Variants in SLC22A23 observed in about 807,000 individuals in gnomAD.
SLC22A23 encodes the protein ion transporter protein.
A neutral mutation model predicts 61.0 loss-of-function variants in SLC22A23; 26 were observed. The ratio of observed to expected loss-of-function variants is 0.43; its 90% CI spans 0.31 to 0.59. SLC22A23 has a LOEUF of 0.59. Ranked by LOEUF, SLC22A23 falls within the 20% of genes least tolerant of loss-of-function variation. The pLI, the probability that SLC22A23 is intolerant of heterozygous loss-of-function variation, is 0.11. For missense variants in SLC22A23, 796 were observed against 934.7 expected, an observed-to-expected ratio of 0.85 and a Z score of 1.94; for synonymous variants, 430 against 413.9, an observed-to-expected ratio of 1.04 and a Z score of -0.47.
intron 1 of SLC22A23, chr6:3,439,547 A>G: frequency 4.7e-6 from 1 of 210,630 alleles, no homozygotes; most frequent in South Asian, 6.5e-5. Flanking sequence ...CATTTCAGAT[A>G]AGCTACATAA....
rs138524453 is a variant in SLC22A23 at position 3,357,794 on chromosome 6, G to A, written c.914-33792C>T. On this transcript the variant is annotated intron_variant, in intron 3 of 9. Coordinates refer to ENST00000406686, the MANE Select transcript of SLC22A23 (RefSeq NM_015482.2). ...GATGCCGAGATGAAGCCACACCACC[G>A]GCCTCAAGGGGCTCACAGTCTGATG... is the stretch of plus-strand genomic sequence containing the variant. Among the ~76,000 whole-genome samples the A allele has an allele frequency of 6.8e-3, 1,029 of 152,284 alleles. 16 individuals are homozygous for A. Among genetic ancestry groups the A allele is most frequent in the African/African-American group, 0.024 (994 of 41,558 alleles).
chr6:3,319,088 C>T (rs1374287891), intron 4 of SLC22A23, among the ~76,000 whole-genome samples: 1 of 152,214 alleles, frequency 6.6e-6, no homozygotes, highest in Non-Finnish European at 1.5e-5. Flanking sequence ...GATGGGTCCT[C>T]ACAGAGCACA....
chr6:3,297,879 C>G lies in SLC22A23; in HGVS notation c.1210+212G>C, dbSNP rs966856457. 6.6e-6 allele frequency among the ~76,000 whole-genome samples: 1 copy of G among 152,178 alleles called. No individual in the cohort carries two copies. Among genetic ancestry groups the G allele is most frequent in the African/African-American group, 2.4e-5 (1 of 41,440 alleles). On this transcript the variant is annotated intron_variant, in intron 5 of 9. Coordinates refer to ENST00000406686, the MANE Select transcript of SLC22A23 (RefSeq NM_015482.2). This position sits in a 1 kb window ranked among gnomAD's most constrained non-coding sequence, Gnocchi z 4.3. ...GCATTTAGACAGGAGATGAGCAGAT[C>G]CAGAGTGTGCTGGACTTGATCATGA...
chr6:3,364,427 A>C (rs1765673102), intron 3 of SLC22A23, among the ~76,000 whole-genome samples: 1 of 152,186 alleles, frequency 6.6e-6, no homozygotes, highest in Non-Finnish European at 1.5e-5. Flanking sequence ...TCTAGGACAA[A>C]GATTTTTTAT....
intron 1 of SLC22A23, among the ~76,000 whole-genome samples, chr6:3,434,908 A>G (rs922391364): frequency 2.0e-5 from 3 of 152,208 alleles, no homozygotes; most frequent in Admixed American, 6.5e-5. Context: ...TCAAGGCCTG[A>G]GGTTCTTAGC....
intron 4 of SLC22A23, among the ~76,000 whole-genome samples, chr6:3,310,288 A>ACTC (rs1762283956): frequency 7.1e-6 from 1 of 140,162 alleles, no homozygotes; most frequent in African/African-American, 3.0e-5. Flanking sequence ...CCTGTCTCCC[A>ACTC]GGGAGCACCC....
At chr6:3,389,867 T>G (rs958956610) in intron 3 of SLC22A23, among the ~76,000 whole-genome samples, 1 of 152,234 alleles carries the variant, frequency 6.6e-6, no homozygotes, top group Non-Finnish European at 1.5e-5. Flanking sequence ...CCACACCCGT[T>G]AGTGGAGAAC....
chr6:3,453,912 T>C (rs772366772), intron 1 of SLC22A23, among the ~76,000 whole-genome samples: 14 of 152,324 alleles, frequency 9.2e-5, no homozygotes, highest in Middle Eastern at 3.4e-3. Context: ...GTGCATCTGA[T>C]ACAGTATTCA....
chr6:3,408,535 G>A (rs1048437809), intron 3 of SLC22A23, among the ~76,000 whole-genome samples: 1 of 152,162 alleles, frequency 6.6e-6, no homozygotes, highest in Non-Finnish European at 1.5e-5. Context: ...CTCCTTCCTT[G>A]ACACTGGCAG....
chr6:3,300,051 C>T (rs560223161), intron 4 of SLC22A23, among the ~76,000 whole-genome samples: 1 of 130,858 alleles, frequency 7.6e-6, no homozygotes, highest in East Asian at 2.6e-4. Context: ...TGCTCTGTCA[C>T]CCAGGCTGGA....
chr6:3,315,111 G>A (rs1008552817), intron 4 of SLC22A23, among the ~76,000 whole-genome samples: 3 of 151,992 alleles, frequency 2.0e-5, no homozygotes, highest in African/African-American at 7.3e-5. Context: ...GTGGGCTCGA[G>A]GTGAGAATAT....
intron 3 of SLC22A23, among the ~76,000 whole-genome samples, chr6:3,361,435 T>C (rs924037277): frequency 6.6e-6 from 1 of 151,990 alleles, no homozygotes; most frequent in African/African-American, 2.4e-5. Flanking sequence ...TGTGGCCAGG[T>C]TAGGAGCAGG....
At chr6:3,442,212 G>A (rs146815510) in intron 1 of SLC22A23, among the ~76,000 whole-genome samples, 12 of 152,256 alleles carry the variant, frequency 7.9e-5, no homozygotes, top group East Asian at 3.9e-4. Flanking sequence ...TGAGGTACCC[G>A]GAGTAAGCAA....
chr6:3,389,446 G>T (rs554573075), intron 3 of SLC22A23, among the ~76,000 whole-genome samples: 1 of 152,324 alleles, frequency 6.6e-6, no homozygotes, highest in South Asian at 2.1e-4. Flanking sequence ...AGTCTATGCA[G>T]ACAATTAGAG....
Position 3,269,419 on chromosome 6 carries a change from A to AC in SLC22A23, c.*3635_*3636insG, listed in dbSNP as rs1561847218. On this transcript the variant is annotated 3_prime_UTR_variant, in exon 10 of 10. Transcript: ENST00000406686. ...ATGGTAGTGAAATGCCCTTCGGTGG[A>AC]TACCATCAGGTGAGGTAGGGAAGAC... 7 of 152,584 alleles carry AC rather than the reference A, an allele frequency of 4.6e-5. No homozygotes were observed. The highest frequency in any genetic ancestry group is 1.0e-4 in the Non-Finnish European group (7 of 68,044). 9.5% of individuals were successfully genotyped at this position (152,584 alleles called of 1,614,324 possible).
intron 1 of SLC22A23, among the ~76,000 whole-genome samples, chr6:3,426,496 A>C (rs1272412511): frequency 1.3e-5 from 1 of 75,418 alleles, no homozygotes; most frequent in East Asian, 6.7e-4. Flanking sequence ...AGGATTAGGA[A>C]AAAAAAAAAA....
chr6:3,445,638 G>T (rs1478362160), intron 1 of SLC22A23, among the ~76,000 whole-genome samples: 1 of 152,204 alleles, frequency 6.6e-6, no homozygotes, highest in Non-Finnish European at 1.5e-5. Flanking sequence ...TGGATAAGGG[G>T]ACAGCTGGTT....
chr6:3,321,842 G>T (rs1028540812), intron 4 of SLC22A23, among the ~76,000 whole-genome samples: 2 of 152,220 alleles, frequency 1.3e-5, no homozygotes, highest in Admixed American at 6.5e-5. Flanking sequence ...GGAAGTGGCA[G>T]AGAGAATCTG....
At chr6:3,354,444 A>G (rs762701759) in intron 3 of SLC22A23, among the ~76,000 whole-genome samples, 3 of 152,238 alleles carry the variant, frequency 2.0e-5, no homozygotes, top group Non-Finnish European at 2.9e-5. Context: ...TCCCTGCTGC[A>G]TTTAATAAGT....
Sources: allele counts gnomAD v4.1 joint callset (sites outside exome capture counted in the v4.1 genomes callset), GRCh38; gene constraint gnomAD v4.1.1; non-coding constraint Gnocchi (gnomAD v3.1); transcripts MANE v1.5; gene names NCBI Gene and HGNC (gene_info 2026-07-23, HGNC 2026-07-21).